The following CAMK1D variants were observed in gnomAD, a reference collection of about 807,000 sequenced individuals.
CAMK1D encodes calcium/calmodulin dependent protein kinase ID.
A neutral mutation model predicts 47.7 loss-of-function variants in CAMK1D; 9 were observed. The ratio of observed to expected loss-of-function variants is 0.19; its 90% CI spans 0.11 to 0.33. CAMK1D has a LOEUF of 0.33. CAMK1D is among the 10% of genes least tolerant of loss of function. The pLI, the probability that CAMK1D is intolerant of heterozygous loss-of-function variation, is 1.00. For synonymous variants in CAMK1D, 184 were observed against 184.9 expected, an observed-to-expected ratio of 0.99 and a Z score of 0.04; for missense variants, 291 against 488.7, an observed-to-expected ratio of 0.60 and a Z score of 3.81.
At chr10:12,424,937 A>G (rs936101394) in intron 1 of CAMK1D, among the ~76,000 whole-genome samples, 5 of 152,180 alleles carry the variant, frequency 3.3e-5, no homozygotes, top group African/African-American at 1.2e-4. Context: ...GCCCTGGTAT[A>G]TATAATTTTT....
chr10:12,615,991 A>G (rs1838796473), intron 2 of CAMK1D, among the ~76,000 whole-genome samples: 1 of 149,442 alleles, frequency 6.7e-6, no homozygotes, highest in Middle Eastern at 3.6e-3. Context: ...TTGTGTCTGT[A>G]TAGGTGTGTT....
intron 2 of CAMK1D, among the ~76,000 whole-genome samples, chr10:12,642,328 A>G (rs1839690701): frequency 6.6e-6 from 1 of 152,194 alleles, no homozygotes; most frequent in Non-Finnish European, 1.5e-5. Context: ...GTAAGTGTTC[A>G]GTGGATGATT....
At chr10:12,403,353 T>C (rs1839297092) in intron 1 of CAMK1D, among the ~76,000 whole-genome samples, 1 of 152,244 alleles carries the variant, frequency 6.6e-6, no homozygotes, top group South Asian at 2.1e-4. Context: ...CACCCCTTCA[T>C]GGGTGTGGGA....
At chr10:12,658,635 G>T (rs1320039190) in intron 2 of CAMK1D, among the ~76,000 whole-genome samples, 2 of 152,094 alleles carry the variant, frequency 1.3e-5, no homozygotes, top group Admixed American at 1.3e-4. Context: ...CACACAAATG[G>T]CTGGACATCA....
At chr10:12,792,956 G>A (rs1838044027) in intron 6 of CAMK1D, among the ~76,000 whole-genome samples, 2 of 98,696 alleles carry the variant, frequency 2.0e-5, no homozygotes, top group South Asian at 2.7e-4. Context: ...TCACATGTGT[G>A]CGCGCACACA....
intron 1 of CAMK1D, among the ~76,000 whole-genome samples, chr10:12,419,260 A>G (rs75091084): frequency 6.6e-6 from 1 of 152,060 alleles, no homozygotes; most frequent in African/African-American, 2.4e-5. Flanking sequence ...GAAAAAAAAA[A>G]TAAATAAAAG....
At chr10:12,393,865 C>T (rs530449970) in intron 1 of CAMK1D, among the ~76,000 whole-genome samples, 2 of 152,184 alleles carry the variant, frequency 1.3e-5, no homozygotes, top group African/African-American at 4.8e-5. Flanking sequence ...ACACCTCACA[C>T]GTGTGTGGGT....
At chr10:12,694,032 TAAAATATAC>T (rs1833063692) in intron 3 of CAMK1D, among the ~76,000 whole-genome samples, 1 of 70,812 alleles carries the variant, frequency 1.4e-5, no homozygotes, top group African/African-American at 5.7e-5. Flanking sequence ...ATAATATATA[TAAAATATAC>T]ATATAATATA....
chr10:12,739,889 A>G (rs1188034695), intron 3 of CAMK1D, among the ~76,000 whole-genome samples: 3 of 152,204 alleles, frequency 2.0e-5, no homozygotes, highest in African/African-American at 7.2e-5. Context: ...AAGACCAACA[A>G]TAGCTTTCCT....
chr10:12,485,663 T>G (rs1310602165), intron 1 of CAMK1D, among the ~76,000 whole-genome samples: 1 of 152,178 alleles, frequency 6.6e-6, no homozygotes, highest in Non-Finnish European at 1.5e-5. Flanking sequence ...AAAACTCTAA[T>G]TCAGCTTCTT....
chr10:12,812,365 C>T (rs11258008), intron 6 of CAMK1D, among the ~76,000 whole-genome samples: 2 of 152,294 alleles, frequency 1.3e-5, no homozygotes, highest in South Asian at 2.1e-4. Context: ...CCTGTAATCC[C>T]AGCACTTTGG....
At chr10:12,703,654 A>T (rs1363923128) in intron 3 of CAMK1D, among the ~76,000 whole-genome samples, 1 of 152,174 alleles carries the variant, frequency 6.6e-6, no homozygotes, top group Non-Finnish European at 1.5e-5. Context: ...GGGTCACCTG[A>T]GGTCAGGAGT....
At chr10:12,763,287 C>T (rs1836588117) in intron 4 of CAMK1D, among the ~76,000 whole-genome samples, 1 of 152,144 alleles carries the variant, frequency 6.6e-6, no homozygotes, top group Non-Finnish European at 1.5e-5. Context: ...GTTAAAACAA[C>T]CTATATAACC....
At chr10:12,532,899 C>T (rs1287270511) in intron 1 of CAMK1D, among the ~76,000 whole-genome samples, 3 of 134,912 alleles carry the variant, frequency 2.2e-5, no homozygotes, top group Non-Finnish European at 4.5e-5. Flanking sequence ...GCAAAACAGT[C>T]GAACTCACGG....
chr10:12,597,328 A>T (rs1437152155), intron 2 of CAMK1D, among the ~76,000 whole-genome samples: 1 of 152,154 alleles, frequency 6.6e-6, no homozygotes, highest in East Asian at 1.9e-4. Flanking sequence ...TGTGCTTAGG[A>T]AACTTGACAT....
chr10:12,734,365 TATATATATATATAG>T (rs1212202459), intron 3 of CAMK1D, among the ~76,000 whole-genome samples: 1 of 9,224 alleles, frequency 1.1e-4, no homozygotes, highest in African/African-American at 3.9e-4. Context: ...TATATATATA[TATATATATATATAG>T]ATATAGATAT....
chr10:12,481,985 G>T (rs932390169), intron 1 of CAMK1D, among the ~76,000 whole-genome samples: 1 of 152,236 alleles, frequency 6.6e-6, no homozygotes, highest in African/African-American at 2.4e-5. Flanking sequence ...AGTCTGCTTA[G>T]AATGGCAGCA....
chr10:12,669,151 G>A (rs1339749325), intron 3 of CAMK1D, among the ~76,000 whole-genome samples: 1 of 152,138 alleles, frequency 6.6e-6, no homozygotes, highest in Non-Finnish European at 1.5e-5. Context: ...AAAATCTCTT[G>A]AGCCTGGGAG....
rs373932374 is a variant in CAMK1D at position 12,563,664 on chromosome 10, T to TGAGAGAGAGAGAGAGAGA, written c.224+10326_224+10343dup. ...GGCATTCCAGAAGAGGCGGAAGGTT[T>TGAGAGAGAGAGAGAGAGA]GAGAGAGAGAGAGAGAGAGAGAGAG... On this transcript the variant is annotated intron_variant, in intron 2 of 10. Coordinates refer to ENST00000619168, the MANE Select transcript of CAMK1D (RefSeq NM_153498.4). Among the ~76,000 whole-genome samples, 380 of 130,024 alleles carry TGAGAGAGAGAGAGAGAGA rather than the reference T, an allele frequency of 2.9e-3. 2 individuals are homozygous for TGAGAGAGAGAGAGAGAGA. Among genetic ancestry groups the TGAGAGAGAGAGAGAGAGA allele is most frequent in the African/African-American group, 5.9e-3 (193 of 32,570 alleles). The allele number at this position is 130,024 out of a possible 152,430, so 85.3% of individuals were successfully genotyped here. A position where few individuals can be genotyped will look rare whatever the true frequency, so the allele number is the denominator to read the frequency against.
Sources: allele counts gnomAD v4.1 joint callset (sites outside exome capture counted in the v4.1 genomes callset), GRCh38; gene constraint gnomAD v4.1.1; transcripts MANE v1.5; gene names NCBI Gene and HGNC (gene_info 2026-07-23, HGNC 2026-07-21).